Variants in ROBO2 observed in about 807,000 individuals in gnomAD.
The protein encoded by ROBO2 is roundabout homolog 2.
ROBO2 carries 53 observed loss-of-function variants against 160.8 expected under a neutral mutation model. The ratio of observed to expected loss-of-function variants is 0.33; its 90% CI spans 0.26 to 0.41. The LOEUF is 0.41. ROBO2 is among the 10% of genes least tolerant of loss of function. The pLI, the probability that ROBO2 is intolerant of heterozygous loss-of-function variation, is 1.00. For missense variants in ROBO2, 1,577 were observed against 1,722.4 expected, an observed-to-expected ratio of 0.92 and a Z score of 1.49; for synonymous variants, 664 against 611.7, an observed-to-expected ratio of 1.09 and a Z score of -1.26.
chr3:76,232,717 A>T (rs1169282655), intron 2 of ROBO2, among the ~76,000 whole-genome samples: 2 of 152,184 alleles, frequency 1.3e-5, no homozygotes, highest in South Asian at 4.1e-4. Context: ...TATACATTTC[A>T]TGATCACAGA....
intron 2 of ROBO2, among the ~76,000 whole-genome samples, chr3:76,853,369 AAG>A (rs762202457): frequency 7.2e-5 from 11 of 152,120 alleles, no homozygotes; most frequent in Non-Finnish European, 1.5e-4. Flanking sequence ...GATTTATTCT[AAG>A]ACTTGTTCTA....
At chr3:77,007,932 A>T (rs144435080) in intron 2 of ROBO2, among the ~76,000 whole-genome samples, 71 of 152,148 alleles carry the variant, frequency 4.7e-4, no homozygotes, top group African/African-American at 1.6e-3. Context: ...TGTTATTTTA[A>T]ATGAATTTCA....
In ROBO2 at chr3:76,354,835, C is replaced by A. The variant is rs116322826; in HGVS notation, c.109+417233C>A. Among the ~76,000 whole-genome samples the A allele has an allele frequency of 5.4e-3, 820 of 151,894 alleles. 10 individuals are homozygous for A. Among genetic ancestry groups the A allele is most frequent in the African/African-American group, 0.018 (727 of 41,522 alleles). ...AGATGTCTGTTTACATGTATCATAC[C>A]TGCCATGGACTTTTTATGAGATTTT... On this transcript the variant is annotated intron_variant, in intron 2 of 26. Transcript: ENST00000487694.
In ROBO2 at chr3:76,575,636, G is replaced by T. The variant is rs559888617; in HGVS notation, c.110-522378G>T. On this transcript the variant is annotated intron_variant, in intron 2 of 26. Coordinates refer to the ROBO2 transcript ENST00000487694. Reference sequence around the variant, plus strand: ...AAATACGACTTGTTCTCTATAGAAAGACAAGCAATTCATTCTTTATCTTTC... The same window carrying T: ...AAATACGACTTGTTCTCTATAGAAATACAAGCAATTCATTCTTTATCTTTC... 2.0e-5 allele frequency among the ~76,000 whole-genome samples: 3 copies of T among 152,126 alleles called. No homozygotes were observed. The South Asian group carries it at 6.2e-4, about 32-fold the overall frequency.
intron 1 of ROBO2, among the ~76,000 whole-genome samples, chr3:75,909,250 C>A (rs1200388376): frequency 3.3e-5 from 5 of 152,034 alleles, no homozygotes; most frequent in Non-Finnish European, 5.9e-5. Flanking sequence ...AATAGTTGAT[C>A]CTACATAATC....
intron 2 of ROBO2, among the ~76,000 whole-genome samples, chr3:76,159,906 AAGTC>A (rs1559601752): frequency 1.3e-5 from 2 of 152,066 alleles, no homozygotes; most frequent in East Asian, 3.9e-4. Context: ...AGAAGGATCT[AAGTC>A]AGGACTGTGA....
chr3:76,256,917 G>A (rs1706428217), intron 2 of ROBO2, among the ~76,000 whole-genome samples: 1 of 152,000 alleles, frequency 6.6e-6, no homozygotes, highest in Non-Finnish European at 1.5e-5. Context: ...AAGAAGGGGA[G>A]CAAGAGAGAG....
intron 2 of ROBO2, among the ~76,000 whole-genome samples, chr3:76,736,240 T>C (rs267143): frequency 0.85 from 127,759 of 150,386 alleles, 54,419 homozygotes; most frequent in African/African-American, 0.89. Flanking sequence ...CGAGATCGCG[T>C]CCCTGCACTC....
At chr3:77,000,691 C>T (rs775137630) in intron 2 of ROBO2, among the ~76,000 whole-genome samples, 6 of 152,086 alleles carry the variant, frequency 3.9e-5, no homozygotes, top group Admixed American at 6.6e-5. Flanking sequence ...TTGAATCTAG[C>T]AAGTACTTGG....
chr3:76,244,728 T>C (rs1040924712), intron 2 of ROBO2, among the ~76,000 whole-genome samples: 11 of 152,174 alleles, frequency 7.2e-5, no homozygotes, highest in African/African-American at 2.7e-4. Context: ...AAGAAAAGTA[T>C]GGTTGTAGAC....
At chr3:76,861,724 G>A (rs1204137712) in intron 2 of ROBO2, among the ~76,000 whole-genome samples, 2 of 152,074 alleles carry the variant, frequency 1.3e-5, no homozygotes, top group African/African-American at 4.8e-5. Context: ...CAAAGTTTAT[G>A]AATCTAACAT....
intron 2 of ROBO2, among the ~76,000 whole-genome samples, chr3:76,190,745 T>C (rs1344356737): frequency 6.6e-6 from 1 of 152,104 alleles, no homozygotes; most frequent in Non-Finnish European, 1.5e-5. Context: ...AGTAATGTTA[T>C]GGACAATAAA....
chr3:76,515,103 T>C (rs1334565192), intron 2 of ROBO2, among the ~76,000 whole-genome samples: 1 of 152,210 alleles, frequency 6.6e-6, no homozygotes, highest in Non-Finnish European at 1.5e-5. Context: ...TAATAAACAC[T>C]TGGATTAACT....
At chr3:76,890,166 G>A (rs1343380287) in intron 2 of ROBO2, among the ~76,000 whole-genome samples, 2 of 152,164 alleles carry the variant, frequency 1.3e-5, no homozygotes, top group African/African-American at 4.8e-5. Context: ...AAATATGATA[G>A]TGGGTTATTG....
At chr3:77,649,564 C>T (rs1340613427) in exon 26 of ROBO2, 1 of 152,136 alleles carries the variant, frequency 6.6e-6, no homozygotes, top group Non-Finnish European at 1.5e-5. Flanking sequence ...TGTTCTAAAG[C>T]AACATGTCTT....
chr3:76,354,542 C>T (rs149273873), intron 2 of ROBO2, among the ~76,000 whole-genome samples: 7 of 151,830 alleles, frequency 4.6e-5, no homozygotes, highest in African/African-American at 1.7e-4. Context: ...TATGCCTGTA[C>T]AATAATTTAT....
chr3:76,308,465 G>A (rs1200571806), intron 2 of ROBO2, among the ~76,000 whole-genome samples: 4 of 151,640 alleles, frequency 2.6e-5, no homozygotes, highest in Admixed American at 1.3e-4. Context: ...GATTAAATGA[G>A]TTGATGAATG....
chr3:77,645,993 C>T, intron 25 of ROBO2, 61 bp from the exon 28 acceptor site: 1 of 1,264,034 alleles, frequency 7.9e-7, no homozygotes, highest in Non-Finnish European at 1.1e-6. Flanking sequence ...TTTTGTTATG[C>T]TGGTCAGAAA....
intron 2 of ROBO2, among the ~76,000 whole-genome samples, chr3:77,143,517 A>G (rs531038982): frequency 2.0e-5 from 3 of 152,108 alleles, no homozygotes; most frequent in Admixed American, 6.5e-5. Flanking sequence ...TTGAAATATA[A>G]TTCATGTACC....
Sources: allele counts gnomAD v4.1 joint callset (sites outside exome capture counted in the v4.1 genomes callset), GRCh38; gene constraint gnomAD v4.1.1; transcripts MANE v1.5; gene names NCBI Gene and HGNC (gene_info 2026-07-23, HGNC 2026-07-21).